MAEA: variants seen among roughly 807,000 people sequenced by gnomAD.
MAEA encodes the protein macrophage erythroblast attacher, E3 ubiquitin ligase.
MAEA carries 22 observed loss-of-function variants against 46.2 expected under a neutral mutation model. The observed-to-expected ratio is 0.48, with a 90% CI of 0.34 to 0.68. The LOEUF (loss-of-function observed/expected upper bound fraction) is 0.68. Among genes scored for constraint, MAEA ranks in the 30% least tolerant of loss-of-function variants. The pLI is 0.01. For synonymous variants in MAEA, 246 were observed against 222.6 expected, an observed-to-expected ratio of 1.11 and a Z score of -0.94; for missense variants, 393 against 558.1, an observed-to-expected ratio of 0.70 and a Z score of 2.98.
chr4:1,315,060 A>T (rs956514275), intron 2 of MAEA, among the ~76,000 whole-genome samples: 31 of 152,230 alleles, frequency 2.0e-4, no homozygotes, highest in African/African-American at 7.2e-4. Context: ...AGATTTTTTT[A>T]AAGTCACCTT....
chr4:1,302,018 T>C (rs1260563864), intron 1 of MAEA, among the ~76,000 whole-genome samples: 1 of 152,244 alleles, frequency 6.6e-6, no homozygotes, highest in Non-Finnish European at 1.5e-5. Flanking sequence ...AACTTTGATA[T>C]AACCTTGAAC....
At chr4:1,328,960 C>A in intron 5 of MAEA, 1 of 992,542 alleles carries the variant, frequency 1.0e-6, no homozygotes, top group Non-Finnish European at 1.2e-6. Flanking sequence ...GCCAGGGGCC[C>A]CCTGTCAAGA....
At chr4:1,320,822 C>T (rs1360645686) in intron 3 of MAEA, among the ~76,000 whole-genome samples, 4 of 151,488 alleles carry the variant, frequency 2.6e-5, no homozygotes, top group Non-Finnish European at 4.4e-5. Context: ...TGCAAGAGGC[C>T]GGGCACGGTG....
At chr4:1,322,960 T>C (rs1738338787) in intron 4 of MAEA, among the ~76,000 whole-genome samples, 2 of 142,944 alleles carry the variant, frequency 1.4e-5, no homozygotes, top group Non-Finnish European at 3.1e-5. Context: ...TTTTTTTTTT[T>C]TTTTTTTTTT....
intron 1 of MAEA, chr4:1,299,986 A>T (rs1490782465): frequency 6.6e-6 from 1 of 152,192 alleles, no homozygotes; most frequent in African/African-American, 2.4e-5. Context: ...ATAATATTAA[A>T]TATTATTTTG....
intron 1 of MAEA, among the ~76,000 whole-genome samples, chr4:1,308,076 C>T (rs556913844): frequency 1.8e-4 from 28 of 151,670 alleles, no homozygotes; most frequent in African/African-American, 6.5e-4. Context: ...GTGTGAACAT[C>T]GTGGAATGAA....
At chr4:1,308,644 T>C (rs1004103548) in intron 1 of MAEA, among the ~76,000 whole-genome samples, 2 of 152,236 alleles carry the variant, frequency 1.3e-5, no homozygotes, top group East Asian at 3.8e-4. Flanking sequence ...CGTCTGCACT[T>C]GTGTCTCCTG....
rs887543810 is a variant in MAEA at position 1,339,160 on chromosome 4, C to T, written c.1182C>T (p.Tyr394=). The T allele has an allele frequency of 3.1e-6, 5 of 1,613,638 alleles. No individual in the cohort carries two copies. The highest frequency in any genetic ancestry group is 1.6e-4 in the Middle Eastern group (1 of 6,084). Residue 394 remains tyrosine, a synonymous_variant, in exon 9 of 9, where the codon TAC becomes TAT. Coordinates refer to ENST00000303400, the MANE Select transcript of MAEA (RefSeq NM_001017405.3). Reference sequence around the variant, plus strand: ...ACTTCTCACAAGCCGAGAAGGTGTACATCATGTAGGCCCCACGTCGTGAAG... The same window carrying T: ...ACTTCTCACAAGCCGAGAAGGTGTATATCATGTAGGCCCCACGTCGTGAAG... ...VFHFSQAEKV[Y]IM
intron 1 of MAEA, among the ~76,000 whole-genome samples, chr4:1,303,614 A>G (rs962602879): frequency 4.6e-5 from 7 of 152,172 alleles, no homozygotes; most frequent in Admixed American, 1.3e-4. Flanking sequence ...GATTCCATTT[A>G]TATGGAATTG....
chr4:1,312,209 C>T (rs1249137237), intron 2 of MAEA, 48 bp downstream of exon 2: 3 of 1,606,092 alleles, frequency 1.9e-6, no homozygotes, highest in Admixed American at 1.7e-5. Flanking sequence ...ATGGACACCC[C>T]TTTTGTCTCG....
intron 2 of MAEA, among the ~76,000 whole-genome samples, chr4:1,314,108 A>G (rs1452110515): frequency 2.0e-5 from 3 of 152,126 alleles, no homozygotes; most frequent in African/African-American, 7.2e-5. Flanking sequence ...CAGGCGGATC[A>G]CCTGAGGTCA....
intron 5 of MAEA, chr4:1,329,230 T>G: frequency 1.0e-6 from 1 of 985,694 alleles, no homozygotes; most frequent in Non-Finnish European, 1.2e-6. Flanking sequence ...TCTATTTGCC[T>G]GTGTTACCCT....
chr4:1,298,018 A>G (rs1024387765), intron 1 of MAEA: 6 of 456,038 alleles, frequency 1.3e-5, no homozygotes, highest in African/African-American at 1.0e-4. Flanking sequence ...AGCCGCACCT[A>G]TCTGCTGAGG....
At chr4:1,300,129 G>T (rs890639508) in intron 1 of MAEA, among the ~76,000 whole-genome samples, 8 of 152,120 alleles carry the variant, frequency 5.3e-5, no homozygotes, top group Non-Finnish European at 4.4e-5. Context: ...CAGCCAGTTA[G>T]AACACATCCC....
At chr4:1,329,778 T>C in intron 5 of MAEA, 1 of 985,404 alleles carries the variant, frequency 1.0e-6, no homozygotes. Context: ...CCAGAGGGTG[T>C]TGTGTATCAC....
intron 2 of MAEA, 139 bp downstream of exon 2, chr4:1,312,300 C>A: frequency 1.1e-6 from 1 of 886,950 alleles, no homozygotes; most frequent in Non-Finnish European, 1.7e-6. Flanking sequence ...TGCTGTCTGC[C>A]TTCTGGGGCC....
intron 1 of MAEA, among the ~76,000 whole-genome samples, chr4:1,308,394 G>A (rs796661900): frequency 1.4e-4 from 22 of 152,294 alleles, no homozygotes; most frequent in African/African-American, 3.1e-4. Context: ...CTTCTGCCTC[G>A]TGGCTGCCAT....
chr4:1,309,303 A>G (rs1577161047), intron 1 of MAEA: 1 of 472,494 alleles, frequency 2.1e-6, no homozygotes, highest in South Asian at 1.0e-4. Flanking sequence ...AATTCCACTC[A>G]CTCGGTCACC....
intron 6 of MAEA, among the ~76,000 whole-genome samples, chr4:1,336,157 G>C (rs997181035): frequency 1.3e-5 from 2 of 149,460 alleles, no homozygotes; most frequent in Admixed American, 6.7e-5. Flanking sequence ...AGTTAGATCA[G>C]CACTGGCCTT....
Sources: allele counts gnomAD v4.1 joint callset (sites outside exome capture counted in the v4.1 genomes callset), GRCh38; gene constraint gnomAD v4.1.1; transcripts MANE v1.5; gene names NCBI Gene and HGNC (gene_info 2026-07-23, HGNC 2026-07-21).